The following PCDH15 variants were observed in gnomAD, a reference collection of about 807,000 sequenced individuals.
PCDH15 encodes the protein protocadherin-15.
PCDH15 carries 129 observed loss-of-function variants against 178.5 expected under a neutral mutation model. The ratio of observed to expected loss-of-function variants is 0.72; its 90% confidence interval spans 0.63 to 0.84. PCDH15 has a LOEUF of 0.84. Among genes scored for constraint, PCDH15 ranks in the 40% least tolerant of loss-of-function variants. The pLI is 0.00. For missense variants in PCDH15, 2,230 were observed against 2,099.9 expected (o/e 1.06, Z -1.21); for synonymous variants, 800 against 732.0 (o/e 1.09, Z -1.50).
At chr10:54,007,161 A>T (rs2092414547) in intron 20 of PCDH15, among the ~76,000 whole-genome samples, 1 of 152,120 alleles carries the variant, frequency 6.6e-6, no homozygotes, top group East Asian at 1.9e-4. Context: ...TGTATTTTCT[A>T]TATTATGTTA....
intron 2 of PCDH15, among the ~76,000 whole-genome samples, chr10:55,626,184 A>C (rs1837525043): frequency 6.6e-6 from 1 of 151,604 alleles, no homozygotes; most frequent in South Asian, 2.1e-4. Flanking sequence ...TAAATAAATA[A>C]AATAAAAAAG....
rs773771288 is a variant in PCDH15, at chr10:54,250,077, C to CT, written c.877-13147dup. On this transcript the variant is annotated intron_variant, in intron 8 of 37. Transcript: ENST00000644397. ...TACAGGTGCATGCCACCACATCCGG[C>CT]TTTTTTTTTTTTTGTATTATTGGTT... Among the ~76,000 whole-genome samples the CT allele has an allele frequency of 4.7e-3, 643 of 137,752 alleles. 2 individuals are homozygous for CT. Among genetic ancestry groups the CT allele is most frequent in the Middle Eastern group, 0.011 (3 of 264 alleles). The allele number at this position is 137,752 out of a possible 152,430, so 90.4% of individuals were successfully genotyped here.
intron 5 of PCDH15, among the ~76,000 whole-genome samples, chr10:54,362,247 T>C (rs1946164478): frequency 6.6e-6 from 1 of 152,108 alleles, no homozygotes; most frequent in Non-Finnish European, 1.5e-5. Flanking sequence ...GCAGTATTCT[T>C]ATTATGAACA....
chr10:54,721,286 G>C (rs1463540911), intron 1 of PCDH15, among the ~76,000 whole-genome samples: 1 of 151,778 alleles, frequency 6.6e-6, no homozygotes, highest in African/African-American at 2.4e-5. Flanking sequence ...CAAAAAGAAT[G>C]ATCTCAAAGT....
intron 2 of PCDH15, among the ~76,000 whole-genome samples, chr10:55,471,282 T>G (rs1356447863): frequency 4.6e-5 from 7 of 152,246 alleles, no homozygotes; most frequent in Non-Finnish European, 8.8e-5. Flanking sequence ...TTGTGCTCTT[T>G]TAGTTTATTA....
chr10:53,840,618 T>A, intron 28 of PCDH15, 122 bp from the exon 29 acceptor site: 1 of 921,144 alleles, frequency 1.1e-6, no homozygotes, highest in South Asian at 1.4e-5. Flanking sequence ...TTTTTGTTAA[T>A]GTTTACTGAA....
intron 17 of PCDH15, among the ~76,000 whole-genome samples, chr10:54,074,946 G>C (rs2094313437): frequency 6.6e-6 from 1 of 152,096 alleles, no homozygotes; most frequent in Admixed American, 6.5e-5. Context: ...TTGTGGCCTT[G>C]ATTTGCATTT....
intron 2 of PCDH15, among the ~76,000 whole-genome samples, chr10:54,932,447 A>T (rs1209940141): frequency 6.6e-6 from 1 of 152,236 alleles, no homozygotes; most frequent in Non-Finnish European, 1.5e-5. Flanking sequence ...AGATTAAAAA[A>T]TGTTAAAAAA....
intron 2 of PCDH15, among the ~76,000 whole-genome samples, chr10:55,579,828 T>C (rs1055296446): frequency 5.3e-5 from 8 of 151,970 alleles, no homozygotes; most frequent in Non-Finnish European, 7.4e-5. Context: ...GTTTGTTATG[T>C]TTTTTATTTG....
chr10:54,174,214 A>AGGTGAAAGTTGATGGTGGC (rs2047191097), intron 13 of PCDH15, among the ~76,000 whole-genome samples: 1 of 152,166 alleles, frequency 6.6e-6, no homozygotes, highest in African/African-American at 2.4e-5. Context: ...TCACAGGTTT[A>AGGTGAAAGTTGATGGTGGC]GGTGAAAGTT....
At chr10:55,566,694 C>CA (rs1842309387) in intron 2 of PCDH15, among the ~76,000 whole-genome samples, 1 of 151,458 alleles carries the variant, frequency 6.6e-6, no homozygotes, top group Admixed American at 6.6e-5. Flanking sequence ...GCAATAGCAT[C>CA]AAAAATATAA....
At chr10:53,821,157 TAA>T (rs1446984918) in intron 32 of PCDH15, 1 of 974,192 alleles carries the variant, frequency 1.0e-6, no homozygotes, top group Non-Finnish European at 1.2e-6. Context: ...CAATGAGAAA[TAA>T]AGAGAATAAG....
intron 2 of PCDH15, among the ~76,000 whole-genome samples, chr10:55,614,405 A>C (rs1433472361): frequency 2.6e-5 from 4 of 152,308 alleles, no homozygotes; most frequent in African/African-American, 9.6e-5. Flanking sequence ...AAAAAGTTCT[A>C]TCTTATTGGA....
chr10:55,107,098 T>G (rs1837367986), intron 2 of PCDH15, among the ~76,000 whole-genome samples: 1 of 152,210 alleles, frequency 6.6e-6, no homozygotes, highest in Admixed American at 6.5e-5. Context: ...TTAGATATAT[T>G]TAAAGTCCAC....
rs148954975 is a variant in PCDH15 at position 54,140,737 on chromosome 10, C to T, written c.1785-7730G>A. Among the ~76,000 whole-genome samples the T allele has an allele frequency of 1.8e-3, 270 of 151,994 alleles. 1 individual carries two copies. Among genetic ancestry groups the T allele is most frequent in the Admixed American group, 3.9e-3 (59 of 15,280 alleles). On this transcript the variant is annotated intron_variant, in intron 14 of 37. Coordinates refer to ENST00000644397, the MANE Select transcript of PCDH15 (RefSeq NM_001384140.1). ...TCTCCGTTGTCACCAGGCTGGAGTACAGTGGCACAATCTTGGCTCACTGCA... is the reference window on the plus strand; with the variant it reads ...TCTCCGTTGTCACCAGGCTGGAGTATAGTGGCACAATCTTGGCTCACTGCA...
chr10:54,367,526 G>C (rs1946983987), intron 5 of PCDH15, among the ~76,000 whole-genome samples: 1 of 151,934 alleles, frequency 6.6e-6, no homozygotes, highest in Non-Finnish European at 1.5e-5. Flanking sequence ...GATGAGGCTG[G>C]AAACCGTCAT....
intron 21 of PCDH15, among the ~76,000 whole-genome samples, chr10:53,974,650 T>C (rs2090041346): frequency 6.6e-6 from 1 of 152,162 alleles, no homozygotes; most frequent in Non-Finnish European, 1.5e-5. Context: ...TTATAGAATA[T>C]CATATTCCAC....
intron 28 of PCDH15, among the ~76,000 whole-genome samples, chr10:53,855,899 G>GATGTGTAT (rs1554832729): frequency 5.1e-5 from 4 of 77,834 alleles, no homozygotes; most frequent in African/African-American, 2.2e-4. Flanking sequence ...AAAAAAAGGT[G>GATGTGTAT]ATATGTATAT....
chr10:55,506,515 T>C (rs886210702), intron 2 of PCDH15, among the ~76,000 whole-genome samples: 1 of 151,500 alleles, frequency 6.6e-6, no homozygotes, highest in African/African-American at 2.4e-5. Flanking sequence ...TGTATTTGAT[T>C]GGAATACCAA....
Sources: gnomAD v4.1 joint callset for allele counts (sites outside exome capture counted in the v4.1 genomes callset) on GRCh38, gnomAD v4.1.1 for gene constraint, MANE v1.5 for transcripts, NCBI Gene and HGNC (gene_info 2026-07-23, HGNC 2026-07-21) for gene names.